The following PHKB variants were observed in gnomAD, a reference collection of about 807,000 sequenced individuals.
PHKB encodes the protein phosphorylase b kinase regulatory subunit beta.
A neutral mutation model predicts 152.1 loss-of-function variants in PHKB; 122 were observed. The ratio of observed to expected loss-of-function variants is 0.80; its 90% CI spans 0.69 to 0.93. PHKB has a LOEUF of 0.93. Ranked by LOEUF, PHKB falls within the 40% of genes least tolerant of loss-of-function variation. The pLI is 0.00. For missense variants in PHKB, 1,304 were observed against 1,328.4 expected, an observed-to-expected ratio of 0.98 and a Z score of 0.29; for synonymous variants, 436 against 464.9, an observed-to-expected ratio of 0.94 and a Z score of 0.80.
At chr16:47,488,749 G>A (rs1970093915) in intron 1 of PHKB, among the ~76,000 whole-genome samples, 1 of 152,130 alleles carries the variant, frequency 6.6e-6, no homozygotes, top group South Asian at 2.1e-4. Flanking sequence ...AAGATCTGGT[G>A]GTTGTAGGTG....
Position 47,531,312 on chromosome 16 carries a change from G to A in PHKB, c.594+15711G>A, listed in dbSNP as rs560107059. 2.6e-5 allele frequency among the ~76,000 whole-genome samples: 4 copies of A among 152,242 alleles called. No homozygotes were observed. In the South Asian group the frequency reaches 6.2e-4, roughly 24 times the overall value. ...CAGTTCCCAGGTGTGAATTGTGAAAGGCACAAAGGTTATACTTTTAGAGCA... is the reference window on the plus strand; with the variant it reads ...CAGTTCCCAGGTGTGAATTGTGAAAAGCACAAAGGTTATACTTTTAGAGCA... On this transcript the variant is annotated intron_variant, in intron 6 of 30. Coordinates refer to ENST00000323584, the MANE Select transcript of PHKB (RefSeq NM_000293.3).
intron 7 of PHKB, among the ~76,000 whole-genome samples, chr16:47,579,824 G>C (rs886316499): frequency 2.6e-5 from 4 of 152,144 alleles, no homozygotes; most frequent in African/African-American, 9.7e-5. Context: ...TGTTAGGCAA[G>C]AGTGTTTGAA....
intron 14 of PHKB, among the ~76,000 whole-genome samples, chr16:47,633,131 A>G (rs190986017): frequency 6.6e-6 from 1 of 152,350 alleles, no homozygotes; most frequent in Non-Finnish European, 1.5e-5. Context: ...TTCTAACTAC[A>G]GGGTTTTGGT....
intron 26 of PHKB, among the ~76,000 whole-genome samples, chr16:47,682,442 C>A (rs1029563637): frequency 1.3e-5 from 2 of 152,214 alleles, no homozygotes; most frequent in African/African-American, 4.8e-5. Flanking sequence ...TCCCATATTT[C>A]TTGGAGGCTT....
intron 26 of PHKB, among the ~76,000 whole-genome samples, chr16:47,671,712 C>G (rs1198764127): frequency 1.3e-5 from 2 of 152,152 alleles, no homozygotes; most frequent in Non-Finnish European, 2.9e-5. Context: ...AGTATTCACA[C>G]AAGTACCATA....
intron 26 of PHKB, among the ~76,000 whole-genome samples, chr16:47,687,818 G>C (rs1331582329): frequency 6.6e-6 from 1 of 152,190 alleles, no homozygotes; most frequent in South Asian, 2.1e-4. Context: ...GTGGAGGTTA[G>C]AACTGTCATA....
chr16:47,659,737 G>A (rs571564559), intron 20 of PHKB, among the ~76,000 whole-genome samples: 6 of 152,224 alleles, frequency 3.9e-5, no homozygotes, highest in South Asian at 2.1e-4. Flanking sequence ...GAGACTTGTC[G>A]GTATCCTATC....
intron 20 of PHKB, among the ~76,000 whole-genome samples, chr16:47,653,116 A>G (rs1463719333): frequency 6.6e-6 from 1 of 152,082 alleles, no homozygotes; most frequent in Non-Finnish European, 1.5e-5. Context: ...AATATTTGGA[A>G]TTCTTTTCTC....
At chr16:47,623,804 C>T (rs141465780) in intron 14 of PHKB, among the ~76,000 whole-genome samples, 2,787 of 152,086 alleles carry the variant, frequency 0.018, 84 homozygotes, top group African/African-American at 0.063. Context: ...GTGATCCACC[C>T]GCCTCAGCCT....
intron 4 of PHKB, among the ~76,000 whole-genome samples, chr16:47,507,903 C>G (rs1483814956): frequency 6.6e-6 from 1 of 152,168 alleles, no homozygotes; most frequent in Non-Finnish European, 1.5e-5. Flanking sequence ...CTTTACAATA[C>G]TGTTGCAAGA....
At chr16:47,598,620 G>T (rs1250092621) in intron 13 of PHKB, 1 of 1,240,132 alleles carries the variant, frequency 8.1e-7, no homozygotes. Flanking sequence ...AATTACATCA[G>T]TTTCCCATCA....
chr16:47,572,474 G>A (rs1358218990), intron 7 of PHKB, among the ~76,000 whole-genome samples: 2 of 152,128 alleles, frequency 1.3e-5, no homozygotes, highest in African/African-American at 4.8e-5. Flanking sequence ...TTGGTTACTA[G>A]CATCTATAGT....
intron 1 of PHKB, among the ~76,000 whole-genome samples, chr16:47,490,995 T>A (rs184468647): frequency 2.2e-4 from 33 of 152,368 alleles, no homozygotes; most frequent in Admixed American, 1.2e-3. Flanking sequence ...CATTTTCCTA[T>A]CTTCTAATAA....
In PHKB at chr16:47,689,167, G is replaced by T; in HGVS notation, c.2757G>T (p.Gln919His). Residue 919 changes from glutamine (Q) to histidine (H), a missense_variant, in exon 27 of 31, where the codon CAG becomes CAT. Coordinates refer to ENST00000323584, the MANE Select transcript of PHKB (RefSeq NM_000293.3). Reference sequence around the variant, plus strand: ...TGCTGGATATTCTGCAGCCTCAACAGAATGGAAGGTAATAAGGGCCCCTTG... The same window carrying T: ...TGCTGGATATTCTGCAGCCTCAACATAATGGAAGGTAATAAGGGCCCCTTG... ...QLLLDILQPQQNGRCWLNRRQ... is the reference protein window; with the variant it reads ...QLLLDILQPQHNGRCWLNRRQ... 1.9e-6 allele frequency: 3 copies of T among 1,613,914 alleles called. No homozygotes were observed. Among genetic ancestry groups the T allele is most frequent in the Non-Finnish European group, 2.5e-6 (3 of 1,179,900 alleles).
intron 4 of PHKB, among the ~76,000 whole-genome samples, chr16:47,507,229 C>T (rs1363644081): frequency 1.3e-5 from 2 of 152,118 alleles, no homozygotes; most frequent in African/African-American, 4.8e-5. Context: ...TCCACCTAAG[C>T]CTCCCAAAGT....
chr16:47,611,908 C>T (rs1972435266), intron 14 of PHKB, among the ~76,000 whole-genome samples: 2 of 152,212 alleles, frequency 1.3e-5, no homozygotes, highest in Non-Finnish European at 2.9e-5. Flanking sequence ...AAATTTCTCA[C>T]TGGCCTGTTA....
At chr16:47,623,592 C>T (rs1187415982) in intron 14 of PHKB, among the ~76,000 whole-genome samples, 1 of 119,092 alleles carries the variant, frequency 8.4e-6, no homozygotes, top group African/African-American at 3.3e-5. Flanking sequence ...GAGACGGAGT[C>T]TTGCTCTTGT....
intron 6 of PHKB, among the ~76,000 whole-genome samples, chr16:47,520,138 G>A (rs991012256): frequency 2.0e-5 from 3 of 152,078 alleles, no homozygotes; most frequent in Non-Finnish European, 4.4e-5. Context: ...GCATTATAAG[G>A]TATTCTTAGC....
chr16:47,491,259 T>G (rs113277668), intron 1 of PHKB, among the ~76,000 whole-genome samples: 60 of 152,296 alleles, frequency 3.9e-4, no homozygotes, highest in African/African-American at 1.4e-3. Flanking sequence ...AGGAAGTATA[T>G]GTCCCTTACA....
Sources: gnomAD v4.1 joint callset for allele counts (sites outside exome capture counted in the v4.1 genomes callset) on GRCh38, gnomAD v4.1.1 for gene constraint, MANE v1.5 for transcripts, NCBI Gene and HGNC (gene_info 2026-07-23, HGNC 2026-07-21) for gene names.